MACROD2: variants seen among roughly 807,000 people sequenced by gnomAD.
MACROD2 encodes ADP-ribose glycohydrolase MACROD2.
In MACROD2, 36 loss-of-function variants were observed where a neutral mutation model predicts 70.4. The observed-to-expected ratio is 0.51, with a 90% confidence interval of 0.39 to 0.68. The LOEUF (loss-of-function observed/expected upper bound fraction) is 0.68, where lower values mean the gene tolerates loss of function less well. MACROD2 is among the 30% of genes least tolerant of loss of function. The probability of loss-of-function intolerance (pLI) is 0.00; values close to 1 mark genes in which losing one functional copy is unlikely to be tolerated. For synonymous variants in MACROD2, 172 were observed against 178.8 expected (o/e 0.96, Z 0.30); for missense variants, 496 against 538.4 (o/e 0.92, Z 0.78).
At chr20:14,384,783 ATTT>A (rs2083454255) in intron 3 of MACROD2, among the ~76,000 whole-genome samples, 1 of 152,118 alleles carries the variant, frequency 6.6e-6, no homozygotes, top group Admixed American at 6.5e-5. Context: ...AACTGTGATA[ATTT>A]TTGCTAAGTG....
chr20:15,562,541 T>TTG (rs976647552), intron 8 of MACROD2, among the ~76,000 whole-genome samples: 88 of 152,118 alleles, frequency 5.8e-4, no homozygotes, highest in Middle Eastern at 3.4e-3. Context: ...AAGGTAATGT[T>TTG]TGTGTGTGTG....
At chr20:15,074,196 G>A (rs1601031766) in intron 5 of MACROD2, among the ~76,000 whole-genome samples, 1 of 152,286 alleles carries the variant, frequency 6.6e-6, no homozygotes, top group South Asian at 2.1e-4. Context: ...CACAGAAAAG[G>A]CCAAAGAAGG....
In MACROD2 at chr20:14,771,737, T is replaced by TACACACAC. The variant is rs11472593; in HGVS notation, c.418+86798_418+86805dup. 1.8e-3 allele frequency among the ~76,000 whole-genome samples: 266 copies of TACACACAC among 145,630 alleles called. 1 individual carries two copies. Among genetic ancestry groups the TACACACAC allele is most frequent in the African/African-American group, 2.8e-3 (112 of 40,092 alleles). On this transcript the variant is annotated intron_variant, in intron 5 of 17. Coordinates refer to ENST00000684519, the MANE Select transcript of MACROD2 (RefSeq NM_001351661.2). ...ATACACACACACGTTATACTTATCC[T>TACACACAC]ACACACACACACACACACACACACA...
chr20:16,011,524 T>C (rs1417458539), intron 15 of MACROD2, among the ~76,000 whole-genome samples: 2 of 152,140 alleles, frequency 1.3e-5, no homozygotes, highest in East Asian at 1.9e-4. Flanking sequence ...TGGGATTTAT[T>C]TGGGGGAATG....
At chr20:15,968,767 A>G (rs976651709) in intron 13 of MACROD2, among the ~76,000 whole-genome samples, 2 of 146,352 alleles carry the variant, frequency 1.4e-5, no homozygotes, top group East Asian at 3.9e-4. Flanking sequence ...ATATTTATAT[A>G]TTATAAACAT....
intron 4 of MACROD2, among the ~76,000 whole-genome samples, chr20:14,606,572 A>G (rs1052899421): frequency 6.6e-6 from 1 of 152,176 alleles, no homozygotes; most frequent in Non-Finnish European, 1.5e-5. Context: ...AATATTAGAA[A>G]CATAGTTGGC....
At chr20:14,986,183 G>A (rs182059727) in intron 5 of MACROD2, among the ~76,000 whole-genome samples, 1 of 152,270 alleles carries the variant, frequency 6.6e-6, no homozygotes, top group Admixed American at 6.5e-5. Context: ...CTGGTTGCTT[G>A]TTTAAATAAA....
At chr20:15,585,202 CTTTTTT>C (rs397865605) in intron 8 of MACROD2, among the ~76,000 whole-genome samples, 1 of 139,572 alleles carries the variant, frequency 7.2e-6, no homozygotes, top group African/African-American at 2.6e-5. Flanking sequence ...TCTTTTTTTT[CTTTTTT>C]TTTTTTTTAG....
chr20:15,732,159 G>T (rs984294833), intron 8 of MACROD2, among the ~76,000 whole-genome samples: 2 of 151,570 alleles, frequency 1.3e-5, no homozygotes, highest in African/African-American at 4.8e-5. Flanking sequence ...CAATGGCAGC[G>T]GAGGGTTGAG....
intron 5 of MACROD2, among the ~76,000 whole-genome samples, chr20:15,076,433 T>C (rs1225529455): frequency 6.6e-6 from 1 of 152,164 alleles, no homozygotes; most frequent in Non-Finnish European, 1.5e-5. Flanking sequence ...GTATGAATAG[T>C]TTTAATCTCA....
chr20:15,142,755 C>T (rs36192371), intron 5 of MACROD2, among the ~76,000 whole-genome samples: 2 of 25,046 alleles, frequency 8.0e-5, no homozygotes, highest in Non-Finnish European at 1.8e-4. Context: ...AGTGAGAACA[C>T]GTGGTGTTTG....
intron 6 of MACROD2, among the ~76,000 whole-genome samples, chr20:15,377,179 C>A (rs1332360479): frequency 6.6e-6 from 1 of 152,110 alleles, no homozygotes; most frequent in African/African-American, 2.4e-5. Context: ...CATAAGCCAC[C>A]ACGTCAGGCC....
chr20:16,035,518 A>C (rs1317743756), intron 15 of MACROD2, among the ~76,000 whole-genome samples: 1 of 152,012 alleles, frequency 6.6e-6, no homozygotes, highest in African/African-American at 2.4e-5. Flanking sequence ...TGTAAAGATT[A>C]ACACATTATG....
rs1177498607 is a variant in MACROD2, at chr20:15,234,012, C to CTTTTTTTTTTTTTTT, written c.540+3974_540+3988dup. Among the ~76,000 whole-genome samples the CTTTTTTTTTTTTTTT allele has an allele frequency of 3.8e-4, 11 of 29,180 alleles. 2 individuals are homozygous for CTTTTTTTTTTTTTTT. Among genetic ancestry groups the CTTTTTTTTTTTTTTT allele is most frequent in the Non-Finnish European group, 5.8e-4 (10 of 17,362 alleles). 19.1% of individuals were successfully genotyped at this position (29,180 alleles called of 152,430 possible). A position where few individuals can be genotyped will look rare whatever the true frequency, so the allele number is the denominator to read the frequency against. ...ATATATATATATATATATATATATT[C>CTTTTTTTTTTTTTTT]TTTTTTTTTTTTTTTTTTTTTTTTT... On this transcript the variant is annotated intron_variant, in intron 6 of 17. Coordinates refer to ENST00000684519, the MANE Select transcript of MACROD2 (RefSeq NM_001351661.2).
intron 3 of MACROD2, among the ~76,000 whole-genome samples, chr20:14,425,097 C>T (rs1402844053): frequency 3.9e-5 from 6 of 152,208 alleles, no homozygotes; most frequent in African/African-American, 7.2e-5. Flanking sequence ...TGTTTACCTA[C>T]GTAACAGCAG....
intron 3 of MACROD2, among the ~76,000 whole-genome samples, chr20:14,433,012 A>G (rs1009123699): frequency 6.6e-6 from 1 of 152,140 alleles, no homozygotes; most frequent in African/African-American, 2.4e-5. Flanking sequence ...TAGAACTGTC[A>G]TTATGTGTCT....
At chr20:15,392,703 T>C (rs2045809511) in intron 6 of MACROD2, among the ~76,000 whole-genome samples, 1 of 152,134 alleles carries the variant, frequency 6.6e-6, no homozygotes, top group Admixed American at 6.5e-5. Context: ...TTTTGTTCTC[T>C]CTCTTTCCCT....
chr20:14,945,851 C>T (rs1038610287), intron 5 of MACROD2, among the ~76,000 whole-genome samples: 1 of 152,052 alleles, frequency 6.6e-6, no homozygotes, highest in Non-Finnish European at 1.5e-5. Flanking sequence ...TTTATGGTGG[C>T]CTCACTTGTT....
chr20:15,596,910 G>A (rs1239803372), intron 8 of MACROD2, among the ~76,000 whole-genome samples: 2 of 152,066 alleles, frequency 1.3e-5, no homozygotes, highest in Non-Finnish European at 2.9e-5. Context: ...ATATTTTCCC[G>A]GCTTAATAGG....
Sources: allele counts gnomAD v4.1 joint callset (sites outside exome capture counted in the v4.1 genomes callset), GRCh38; gene constraint gnomAD v4.1.1; transcripts MANE v1.5; gene names NCBI Gene and HGNC (gene_info 2026-07-23, HGNC 2026-07-21).